DNM1: variants seen among roughly 807,000 people sequenced by gnomAD.
DNM1 encodes dynamin-1.
In DNM1, 29 loss-of-function variants were observed where a neutral mutation model predicts 104.6. That is an observed-to-expected ratio of 0.28 (90% CI 0.21 to 0.38). DNM1 has a LOEUF of 0.38. DNM1 is among the 10% of genes least tolerant of loss of function. The probability of loss-of-function intolerance (pLI) is 1.00; values close to 1 mark genes in which losing one functional copy is unlikely to be tolerated. For missense variants in DNM1, 640 were observed against 1,189.4 expected, an observed-to-expected ratio of 0.54 and a Z score of 6.79; for synonymous variants, 445 against 475.8, an observed-to-expected ratio of 0.94 and a Z score of 0.84.
chr9:128,234,015 C>A lies in DNM1; in HGVS notation c.1336-6C>A. On this transcript the variant is annotated splice_polypyrimidine_tract_variant and splice_region_variant and intron_variant, in intron 10 of 21. Transcript: ENST00000372923. ...CGTGGCTTTCTGCCCTCCTGCCCTT[C>A]CCCAGCTCCAGCAGTACCCGCGGCT... 1.3e-6 allele frequency: 2 copies of A among 1,560,234 alleles called. No individual in the cohort carries two copies. The highest frequency in any genetic ancestry group is 1.7e-6 in the Non-Finnish European group (2 of 1,152,528).
rs1834987815 is a variant in DNM1 at position 128,221,046 on chromosome 9, T to C, written c.849+705T>C. ...TTCTCTTTCTTTCTTTCTCTCTTTC[T>C]TTCTCTCTTTCTCTCTTTCTTTCTC... On this transcript the variant is annotated intron_variant, in intron 6 of 21. Coordinates refer to ENST00000372923, the MANE Select transcript of DNM1 (RefSeq NM_004408.4). The C allele has an allele frequency of 2.7e-5, 4 of 147,444 alleles. 1 individual carries two copies. The South Asian group carries it at 8.7e-4, about 32-fold the overall frequency. The allele number at this position is 147,444 out of a possible 1,614,324, so 9.1% of individuals were successfully genotyped here. A position where few individuals can be genotyped will look rare whatever the true frequency, so the allele number is the denominator to read the frequency against.
At chr9:128,212,940 A>G (rs1455577246) in intron 1 of DNM1, among the ~76,000 whole-genome samples, 2 of 152,242 alleles carry the variant, frequency 1.3e-5, no homozygotes, top group Admixed American at 1.3e-4. Context: ...TCCCTGGCAG[A>G]GTCCCTGGCT....
Position 128,218,397 on chromosome 9 carries a change from G to T in DNM1, c.235+93G>T, listed in dbSNP as rs1834740345. The T allele has an allele frequency of 6.7e-7, 1 of 1,497,940 alleles. No individual in the cohort carries two copies. The highest frequency in any genetic ancestry group is 1.4e-5 in the African/African-American group (1 of 72,510). The allele number at this position is 1,497,940 out of a possible 1,614,324, so 92.8% of individuals were successfully genotyped here. ...GGCCAGCCTGGCCACGAACTTGCTT[G>T]CTGTGTGACTGTGGGCCTCGTTCCC... On this transcript the variant is annotated intron_variant, in intron 2 of 21. Transcript: ENST00000372923. This position sits in a 1 kb window ranked among gnomAD's most constrained non-coding sequence, Gnocchi z 4.8.
At chr9:128,252,158 A>C (rs1047565414) in intron 21 of DNM1, 2 of 199,850 alleles carry the variant, frequency 1.0e-5, no homozygotes, top group Non-Finnish European at 2.0e-5. Flanking sequence ...GGTTGTGGGG[A>C]TCGAGGGAGA....
Position 128,248,157 on chromosome 9 carries a change from C to T in DNM1, c.1905+222C>T, listed in dbSNP as rs145755265. 3.2e-3 allele frequency: 1,893 copies of T among 591,802 alleles called. 30 individuals carry two copies. The highest frequency in any genetic ancestry group is 0.031 in the African/African-American group (1,669 of 53,556). The allele number at this position is 591,802 out of a possible 1,614,324, so 36.7% of individuals were successfully genotyped here. ...GCCTGGCCAACACGGTGAAACCCCA[C>T]CTCTACTAAAAATACAAAAATTAGC... On this transcript the variant is annotated intron_variant, in intron 18 of 21. Transcript: ENST00000372923. The surrounding 1 kb of genome is among the most constrained non-coding windows in gnomAD (Gnocchi z 5.6).
chr9:128,209,754 CCTTGGGCCTGGGCTGGTCCCCA>C (rs936904967), intron 1 of DNM1, among the ~76,000 whole-genome samples: 4 of 152,240 alleles, frequency 2.6e-5, no homozygotes, highest in Non-Finnish European at 5.9e-5. Context: ...AAAGGACCCA[CCTTGGGCCTGGGCTGGTCCCCA>C]CTTGGGCCTG....
At chr9:128,226,148 C>G (rs1337015738) in intron 10 of DNM1, 1 of 1,612,876 alleles carries the variant, frequency 6.2e-7, no homozygotes, top group South Asian at 1.1e-5. Context: ...GAGCTCACAG[C>G]CACCATCAGA....
In DNM1 at chr9:128,254,570, CCCGG is replaced by C. The variant is rs761733950; in HGVS notation, c.2535-80_2535-77del. On this transcript the variant is annotated intron_variant, in intron 21 of 21. Transcript: ENST00000372923. The surrounding 1 kb of genome is among the most constrained non-coding windows in gnomAD (Gnocchi z 6.1). ...CCACCACTGCTGCGGCGCGGCCGGC[CCCGG>C]CCGTGTGCTGCGCTTGCCTTACCAG... The C allele has an allele frequency of 3.0e-5, 47 of 1,588,574 alleles. No individual in the cohort carries two copies. The highest frequency in any genetic ancestry group is 3.7e-5 in the Non-Finnish European group (43 of 1,174,292).
rs769689269 is a variant in DNM1, at chr9:128,224,316, G to C, written c.1262G>C (p.Arg421Pro). 6 of 1,614,102 alleles carry C rather than the reference G, an allele frequency of 3.7e-6. No individual in the cohort carries two copies. The East Asian group carries it at 1.3e-4, about 36-fold the overall frequency. ...GTGAAAAAGCAGGTGAAGAAGATCCGAGAACCGTGTCTCAAGTGTGTGGAC... is the reference window on the plus strand; with the variant it reads ...GTGAAAAAGCAGGTGAAGAAGATCCCAGAACCGTGTCTCAAGTGTGTGGAC... ...TIVKKQVKKI[R>P]EPCLKCVDMV... The change falls in exon 10 of 22, where the codon CGA (arginine) becomes CCA (proline). Residue 421 changes from arginine (R) to proline (P), a missense_variant. This residue lies in a region of DNM1 where 92 missense variants were observed against 124.4 expected (regional missense o/e 0.74). Coordinates refer to ENST00000372923, the MANE Select transcript of DNM1 (RefSeq NM_004408.4). This position sits in a 1 kb window ranked among gnomAD's most constrained non-coding sequence, Gnocchi z 4.3.
chr9:128,205,391 A>C (rs1332436792), intron 1 of DNM1, among the ~76,000 whole-genome samples: 1 of 152,172 alleles, frequency 6.6e-6, no homozygotes, highest in Non-Finnish European at 1.5e-5. Context: ...TGAGTCCTTC[A>C]TAGGCTCACA....
Position 128,251,635 on chromosome 9 carries a change from AC to A in DNM1, c.2534+700del, listed in dbSNP as rs200872111. ...GATGGCTTTTTTCCTCCCCCCAACC[AC>A]CCCCTCCGCGACTTCTGGCCCTACC... On this transcript the variant is annotated intron_variant, in intron 21 of 21. Transcript: ENST00000372923. 468 of 94,952 alleles carry A rather than the reference AC, an allele frequency of 4.9e-3. 4 individuals carry two copies. The highest frequency in any genetic ancestry group is 6.7e-3 in the Non-Finnish European group (349 of 51,772). 5.9% of individuals were successfully genotyped at this position (94,952 alleles called of 1,614,324 possible). A position where few individuals can be genotyped will look rare whatever the true frequency, so the allele number is the denominator to read the frequency against.
At chr9:128,229,600 C>CAAAAAAAAA (rs56072236) in intron 10 of DNM1, among the ~76,000 whole-genome samples, 10 of 66,688 alleles carry the variant, frequency 1.5e-4, no homozygotes, top group South Asian at 7.7e-4. Flanking sequence ...AAAACCTTAT[C>CAAAAAAAAA]AAAAAAAAAA....
rs1834755014 is a variant in DNM1 at position 128,218,623 on chromosome 9, G to A, written c.277G>A (p.Asp93Asn). 1 of 1,613,448 alleles carries A rather than the reference G, an allele frequency of 6.2e-7. No individual in the cohort carries two copies. Among genetic ancestry groups the A allele is most frequent in the Non-Finnish European group, 8.5e-7 (1 of 1,179,648 alleles). ...GCACTGCAAGGGAAAGAAATTCACCGACTTCGAGGAGGTGCGCCTTGAGAT... is the reference window on the plus strand; with the variant it reads ...GCACTGCAAGGGAAAGAAATTCACCAACTTCGAGGAGGTGCGCCTTGAGAT... ...FLHCKGKKFT[D>N]FEEVRLEIEA... The change falls in exon 3 of 22, where the codon GAC becomes AAC. Residue 93 changes from aspartate (D) to asparagine (N), a missense_variant. Asp to Asn is a conservative substitution (Grantham distance 23). Around this residue, in one of 7 missense-constraint regions of DNM1, gnomAD observed 172 missense variants for 335.3 expected, o/e 0.51. Transcript: ENST00000372923. The surrounding 1 kb of genome is among the most constrained non-coding windows in gnomAD (Gnocchi z 4.8).
In DNM1 at chr9:128,218,244, C is replaced by G; in HGVS notation, c.175C>G (p.Arg59Gly). 6.2e-7 allele frequency: 1 copy of G among 1,614,050 alleles called. No individual in the cohort carries two copies. The highest frequency in any genetic ancestry group is 8.5e-7 in the Non-Finnish European group (1 of 1,180,006). The change falls in exon 2 of 22, where the codon CGA becomes GGA. Residue 59 changes from arginine to glycine, a missense_variant. By Grantham distance (125) the Arg-to-Gly change is moderately radical. Around this residue, in one of 7 missense-constraint regions of DNM1, gnomAD observed 172 missense variants for 335.3 expected, o/e 0.51. Coordinates refer to ENST00000372923, the MANE Select transcript of DNM1 (RefSeq NM_004408.4). This position sits in a 1 kb window ranked among gnomAD's most constrained non-coding sequence, Gnocchi z 4.8. ...AACTCATTGCAGGGACTTCTTGCCT[C>G]GAGGATCTGGCATTGTCACCCGACG... is the stretch of plus-strand genomic sequence containing the variant. Reference protein sequence around the residue: ...ENFVGRDFLPRGSGIVTRRPL... With the variant: ...ENFVGRDFLPGGSGIVTRRPL...
In DNM1 at chr9:128,248,491, C is replaced by G; in HGVS notation, c.1906-92C>G. 6.8e-7 allele frequency: 1 copy of G among 1,474,508 alleles called. No individual in the cohort carries two copies. Among genetic ancestry groups the G allele is most frequent in the Non-Finnish European group, 9.2e-7 (1 of 1,081,280 alleles). 91.3% of individuals were successfully genotyped at this position (1,474,508 alleles called of 1,614,324 possible). On this transcript the variant is annotated intron_variant, in intron 18 of 21. Coordinates refer to ENST00000372923, the MANE Select transcript of DNM1 (RefSeq NM_004408.4). This position sits in a 1 kb window ranked among gnomAD's most constrained non-coding sequence, Gnocchi z 5.6. ...TCGCTTCTCTCTGTGCCTCAATATT[C>G]TGGGTACCCTTGGAGGGGCTGAGAT...
At chr9:128,246,355 G>C in intron 15 of DNM1, 39 bp from the exon 16 acceptor site, 1 of 1,416,298 alleles carries the variant, frequency 7.1e-7, no homozygotes, top group Non-Finnish European at 1.0e-6. Context: ...GCAGAGAACA[G>C]TGCCAACCTC....
At position 128,245,783 on chromosome 9, in the gene DNM1, G is replaced by T. The variant is rs1420903355; in HGVS notation, c.1672-611G>T. Among the ~76,000 whole-genome samples, 1 of 152,212 alleles carries T rather than the reference G, an allele frequency of 6.6e-6. No individual in the cohort carries two copies. Among genetic ancestry groups the T allele is most frequent in the Non-Finnish European group, 1.5e-5 (1 of 68,038 alleles). Reference sequence around the variant, plus strand: ...ACGCTGACACCGACACATGGTTCATGCTGGGCACCTCCCCAGATACACATG... The same window carrying T: ...ACGCTGACACCGACACATGGTTCATTCTGGGCACCTCCCCAGATACACATG... On this transcript the variant is annotated intron_variant, in intron 15 of 21. Transcript: ENST00000372923. This position sits in a 1 kb window ranked among gnomAD's most constrained non-coding sequence, Gnocchi z 5.2.
At position 128,218,480 on chromosome 9, in the gene DNM1, G is replaced by A. The variant is rs566386696; in HGVS notation, c.236-102G>A. On this transcript the variant is annotated intron_variant, in intron 2 of 21. Transcript: ENST00000372923. The surrounding 1 kb of genome is among the most constrained non-coding windows in gnomAD (Gnocchi z 4.8). ...GAGACGTGGGTGGTGGTTCTGCTTG[G>A]GTGTGTCTAGGGGGTTCTATTACCG... The A allele has an allele frequency of 4.1e-6, 6 of 1,453,958 alleles. No individual in the cohort carries two copies. The East Asian group carries it at 6.9e-5, about 17-fold the overall frequency. 90.1% of individuals were successfully genotyped at this position (1,453,958 alleles called of 1,614,324 possible). A position where few individuals can be genotyped will look rare whatever the true frequency, so the allele number is the denominator to read the frequency against.
Position 128,220,913 on chromosome 9 carries a change from C to CTTTCTTTT in DNM1, c.849+579_849+580insTTTTCTTT, listed in dbSNP as rs1834947237. On this transcript the variant is annotated intron_variant, in intron 6 of 21. Transcript: ENST00000372923. The surrounding 1 kb of genome is among the most constrained non-coding windows in gnomAD (Gnocchi z 5.2). ...TCTTTCTTTCTTTCTTTCTTTCTTTCTTTCTTTCTTTCTTTCTTTCTTTTC... is the reference window on the plus strand; with the variant it reads ...TCTTTCTTTCTTTCTTTCTTTCTTTCTTTCTTTTTTTCTTTCTTTCTTTCTTTCTTTTC... Among the ~76,000 whole-genome samples, 1 of 147,322 alleles carries CTTTCTTTT rather than the reference C, an allele frequency of 6.8e-6. No homozygotes were observed. Among genetic ancestry groups the CTTTCTTTT allele is most frequent in the Non-Finnish European group, 1.5e-5 (1 of 66,424 alleles).
Sources: gnomAD v4.1 joint callset for allele counts (sites outside exome capture counted in the v4.1 genomes callset) on GRCh38, gnomAD v4.1.1 for gene constraint, gnomAD v4.1.1 regional missense constraint, Gnocchi (gnomAD v3.1) non-coding constraint, MANE v1.5 for transcripts, NCBI Gene and HGNC (gene_info 2026-07-23, HGNC 2026-07-21) for gene names.